The following KCNMA1 variants were observed in gnomAD, a reference collection of about 807,000 sequenced individuals.
The protein encoded by KCNMA1 is Calcium-activated potassium channel subunit alpha-1.
A neutral mutation model predicts 140.0 loss-of-function variants in KCNMA1; 29 were observed. The ratio of observed to expected loss-of-function variants is 0.21; its 90% CI spans 0.15 to 0.28. The LOEUF (loss-of-function observed/expected upper bound fraction) is 0.28, where lower values mean the gene tolerates loss of function less well. Ranked by LOEUF, KCNMA1 falls within the 10% of genes least tolerant of loss-of-function variation. The probability of loss-of-function intolerance (pLI) is 1.00; values close to 1 mark genes in which losing one functional copy is unlikely to be tolerated. For missense variants in KCNMA1, 880 were observed against 1,602.2 expected (o/e 0.55, Z 7.70); for synonymous variants, 612 against 611.9 (o/e 1.00, Z 0.00).
intron 1 of KCNMA1, among the ~76,000 whole-genome samples, chr10:77,539,908 C>T (rs2059796555): frequency 6.6e-6 from 1 of 152,184 alleles, no homozygotes; most frequent in Admixed American, 6.5e-5. Context: ...CCCACAGACT[C>T]CCACCTGTCC....
At chr10:77,448,262 G>A (rs7913421) in intron 1 of KCNMA1, among the ~76,000 whole-genome samples, 3,664 of 152,266 alleles carry the variant, frequency 0.024, 150 homozygotes, top group African/African-American at 0.083. Context: ...TCACAGCCTT[G>A]TGATTCCATC....
At chr10:77,379,955 G>T (rs959892914) in intron 2 of KCNMA1, among the ~76,000 whole-genome samples, 1 of 152,254 alleles carries the variant, frequency 6.6e-6, no homozygotes, top group African/African-American at 2.4e-5. Context: ...GATGAATGCG[G>T]TACCTACTCT....
chr10:76,910,193 A>G, intron 24 of KCNMA1, 97 bp from the exon 25 acceptor site: 2 of 1,379,422 alleles, frequency 1.4e-6, no homozygotes, highest in South Asian at 1.2e-5. Flanking sequence ...TACTGAAGTC[A>G]TTGAGAAGGA....
At chr10:77,496,818 C>T (rs1419588663) in intron 1 of KCNMA1, among the ~76,000 whole-genome samples, 1 of 152,122 alleles carries the variant, frequency 6.6e-6, no homozygotes, top group African/African-American at 2.4e-5. Flanking sequence ...CCTGAGGACA[C>T]CTGGCTCCTG....
intron 1 of KCNMA1, among the ~76,000 whole-genome samples, chr10:77,419,255 G>T (rs546548984): frequency 6.6e-6 from 1 of 152,310 alleles, no homozygotes; most frequent in Non-Finnish European, 1.5e-5. Context: ...GCCCTGCAGA[G>T]CAGAGGGACC....
chr10:76,914,398 C>A, intron 24 of KCNMA1: 1 of 511,916 alleles, frequency 2.0e-6, no homozygotes, highest in South Asian at 3.0e-5. Context: ...ATTTTGGGGG[C>A]CAGAATGGCA....
At chr10:77,603,962 T>A (rs1251896652) in intron 1 of KCNMA1, among the ~76,000 whole-genome samples, 1 of 152,242 alleles carries the variant, frequency 6.6e-6, no homozygotes, top group Non-Finnish European at 1.5e-5. Flanking sequence ...CCAGGACTAA[T>A]GTGAATTGCT....
chr10:77,371,275 C>G (rs1409911259), intron 2 of KCNMA1, among the ~76,000 whole-genome samples: 5 of 152,092 alleles, frequency 3.3e-5, no homozygotes, highest in Non-Finnish European at 7.4e-5. Context: ...GCATATGGCC[C>G]TGCCTCAGTT....
At chr10:76,969,850 T>TC in intron 20 of KCNMA1, 124 bp downstream of exon 20, 1 of 750,376 alleles carries the variant, frequency 1.3e-6, no homozygotes, top group South Asian at 1.4e-5. Flanking sequence ...ACGATCTCGC[T>TC]CCCCTCCCCC....
At chr10:77,227,635 G>T (rs775145371) in intron 3 of KCNMA1, among the ~76,000 whole-genome samples, 1 of 152,174 alleles carries the variant, frequency 6.6e-6, no homozygotes, top group Non-Finnish European at 1.5e-5. Flanking sequence ...ATTATCAGGG[G>T]TCTGAAATCC....
intron 2 of KCNMA1, among the ~76,000 whole-genome samples, chr10:77,331,607 C>T (rs1419332252): frequency 6.6e-6 from 1 of 151,352 alleles, no homozygotes; most frequent in African/African-American, 2.4e-5. Flanking sequence ...CACTTGAGCC[C>T]AGGAGTTCAA....
chr10:77,523,823 G>T (rs1433099672), intron 1 of KCNMA1, among the ~76,000 whole-genome samples: 2 of 152,118 alleles, frequency 1.3e-5, no homozygotes, highest in African/African-American at 4.8e-5. Flanking sequence ...TTGGAGGGGA[G>T]GCAGGATGGT....
At chr10:77,453,262 C>T (rs192955211) in intron 1 of KCNMA1, among the ~76,000 whole-genome samples, 5 of 151,948 alleles carry the variant, frequency 3.3e-5, no homozygotes, top group Admixed American at 2.6e-4. Context: ...TAAGCCACGA[C>T]ATCATTAGAA....
chr10:76,886,188 A>G lies in KCNMA1; in HGVS notation c.*1078T>C. On this transcript the variant is annotated 3_prime_UTR_variant, in exon 28 of 28. Transcript: ENST00000286628. ...GCTGGGTTTGTCTTCCTCTCACTCT[A>G]CCATTGCCCCAGCCCTTCCTCCTAC... The G allele has an allele frequency of 5.1e-6, 5 of 985,322 alleles. No individual in the cohort carries two copies. The highest frequency in any genetic ancestry group is 6.0e-6 in the Non-Finnish European group (5 of 829,916). The allele number at this position is 985,322 out of a possible 1,614,324, so 61.0% of individuals were successfully genotyped here.
At chr10:77,581,222 A>G (rs1336056147) in intron 1 of KCNMA1, among the ~76,000 whole-genome samples, 1 of 152,136 alleles carries the variant, frequency 6.6e-6, no homozygotes, top group Non-Finnish European at 1.5e-5. Context: ...TGACAGTGTT[A>G]GAAATTTCAT....
chr10:76,898,236 A>G lies in KCNMA1; in HGVS notation c.3148-6517T>C, dbSNP rs144069091. Among the ~76,000 whole-genome samples the G allele has an allele frequency of 2.6e-3, 399 of 152,034 alleles. 2 individuals carry two copies. The highest frequency in any genetic ancestry group is 4.3e-3 in the Non-Finnish European group (290 of 67,792). On this transcript the variant is annotated intron_variant, in intron 25 of 27. Coordinates refer to ENST00000286628, the MANE Select transcript of KCNMA1 (RefSeq NM_001161352.2). ...GAAGAAAAAAAGTATAGCTTCAAAG[A>G]AAAATTTTAAACTATTATGTTAGAT...
At chr10:77,187,819 A>G (rs1245355874) in intron 3 of KCNMA1, among the ~76,000 whole-genome samples, 1 of 152,094 alleles carries the variant, frequency 6.6e-6, no homozygotes, top group African/African-American at 2.4e-5. Context: ...TGTTTATCAG[A>G]TCCCCTCTGA....
At chr10:77,349,448 T>A (rs10762756) in intron 2 of KCNMA1, among the ~76,000 whole-genome samples, 24,825 of 152,024 alleles carry the variant, frequency 0.16, 2,207 homozygotes, top group East Asian at 0.33. Context: ...CATTCCTCCA[T>A]CCTCCCATCG....
chr10:77,294,299 G>A (rs2074280637), intron 2 of KCNMA1, among the ~76,000 whole-genome samples: 1 of 152,190 alleles, frequency 6.6e-6, no homozygotes, highest in Non-Finnish European at 1.5e-5. Flanking sequence ...CCCAACTAGT[G>A]AGCTATTTCC....
Sources: allele counts gnomAD v4.1 joint callset (sites outside exome capture counted in the v4.1 genomes callset), GRCh38; gene constraint gnomAD v4.1.1; transcripts MANE v1.5; gene names NCBI Gene and HGNC (gene_info 2026-07-23, HGNC 2026-07-21).